KANK1: variants seen among roughly 807,000 people sequenced by gnomAD.
KANK1 encodes the protein KN motif and ankyrin repeat domain-containing protein 1.
A neutral mutation model predicts 106.2 loss-of-function variants in KANK1; 109 were observed. The ratio of observed to expected loss-of-function variants is 1.03; its 90% confidence interval spans 0.88 to 1.20. The LOEUF is 1.20. Ranked by LOEUF, KANK1 falls within the 50% of genes most tolerant of loss-of-function variation. The pLI, the probability that KANK1 is intolerant of heterozygous loss-of-function variation, is 0.00. For synonymous variants in KANK1, 873 were observed against 652.2 expected (o/e 1.34, Z -5.16); for missense variants, 2,399 against 1,710.7 (o/e 1.40, Z -7.10).
chr9:659,496 C>G (rs1159828540), intron 1 of KANK1, among the ~76,000 whole-genome samples: 2 of 152,062 alleles, frequency 1.3e-5, no homozygotes, highest in African/African-American at 4.8e-5. Flanking sequence ...TTCTGGGAAC[C>G]CACTTTGAGA....
chr9:730,381 A>G (rs1831887406), intron 4 of KANK1, 133 bp downstream of exon 4: 3 of 966,300 alleles, frequency 3.1e-6, no homozygotes, highest in Non-Finnish European at 4.7e-6. Flanking sequence ...AGGTAGGCCC[A>G]GAATATCTTT....
intron 1 of KANK1, among the ~76,000 whole-genome samples, chr9:620,903 T>G (rs534370506): frequency 6.6e-6 from 1 of 152,332 alleles, no homozygotes; most frequent in African/African-American, 2.4e-5. Flanking sequence ...TAACCAATTT[T>G]GGGGTACCAG....
At chr9:602,154 T>G (rs1827906499) in intron 1 of KANK1, among the ~76,000 whole-genome samples, 2 of 151,998 alleles carry the variant, frequency 1.3e-5, no homozygotes, top group Non-Finnish European at 1.5e-5. Flanking sequence ...AAAAATACTT[T>G]TACATTGATA....
At chr9:508,121 C>CATT (rs2058853338) in intron 1 of KANK1, among the ~76,000 whole-genome samples, 1 of 39,186 alleles carries the variant, frequency 2.6e-5, no homozygotes, top group South Asian at 7.8e-4. Context: ...CCTGCTCAGC[C>CATT]TTTTTTTTTT....
chr9:516,902 C>T (rs752351121), intron 1 of KANK1, among the ~76,000 whole-genome samples: 50 of 151,390 alleles, frequency 3.3e-4, no homozygotes, highest in Admixed American at 2.8e-3. Context: ...TAAGTTTGAA[C>T]ACTTGGGTTA....
At chr9:680,508 A>G (rs1817328398) in intron 2 of KANK1, among the ~76,000 whole-genome samples, 2 of 152,216 alleles carry the variant, frequency 1.3e-5, no homozygotes. Context: ...GTTATATAAC[A>G]AGCACCTTTG....
chr9:694,049 T>C (rs1820620875), intron 2 of KANK1, among the ~76,000 whole-genome samples: 1 of 152,212 alleles, frequency 6.6e-6, no homozygotes, highest in African/African-American at 2.4e-5. Flanking sequence ...GTTTAAGGTT[T>C]AGTTCAATTC....
At chr9:507,109 T>C (rs1489857017) in intron 1 of KANK1, among the ~76,000 whole-genome samples, 1 of 151,742 alleles carries the variant, frequency 6.6e-6, no homozygotes, top group East Asian at 1.9e-4. Flanking sequence ...TTAGGCCTGT[T>C]GCATGGGTGA....
chr9:707,161 G>T, intron 2 of KANK1: 4 of 985,500 alleles, frequency 4.1e-6, no homozygotes, highest in Non-Finnish European at 4.8e-6. Context: ...GGTGAGGATC[G>T]AGGGCGCCCG....
intron 1 of KANK1, among the ~76,000 whole-genome samples, chr9:603,827 G>A (rs141898773): frequency 6.6e-6 from 1 of 151,222 alleles, no homozygotes; most frequent in African/African-American, 2.5e-5. Context: ...GGGTGTGGTG[G>A]TGTGCGCCAT....
At chr9:585,039 T>G (rs1294401722) in intron 1 of KANK1, among the ~76,000 whole-genome samples, 1 of 152,226 alleles carries the variant, frequency 6.6e-6, no homozygotes, top group Non-Finnish European at 1.5e-5. Context: ...CATTTTGTCC[T>G]TATCTGCAGC....
intron 1 of KANK1, among the ~76,000 whole-genome samples, chr9:601,467 T>C (rs1277523486): frequency 6.6e-6 from 1 of 151,898 alleles, no homozygotes; most frequent in Non-Finnish European, 1.5e-5. Flanking sequence ...AATGACTAGA[T>C]TTGGGGCTGT....
At chr9:634,391 G>C (rs1836561283) in intron 1 of KANK1, among the ~76,000 whole-genome samples, 1 of 152,152 alleles carries the variant, frequency 6.6e-6, no homozygotes, top group South Asian at 2.1e-4. Flanking sequence ...TCACTCGGTT[G>C]CCTGAATGCA....
rs1181030891 is a variant in KANK1 at position 504,765 on chromosome 9, C to A, written c.-84+11C>A. 4.4e-5 allele frequency: 2 copies of A among 45,276 alleles called. No homozygotes were observed. The highest frequency in any genetic ancestry group is 1.8e-4 in the African/African-American group (2 of 10,976). 2.8% of individuals were successfully genotyped at this position (45,276 alleles called of 1,614,324 possible). On this transcript the variant is annotated intron_variant, in intron 1 of 11. Transcript: ENST00000382297. ...GAGGAGCGGCCGAAGGTGAGTGACG[C>A]GGCGGGGCCGTGCCGCGCCCCGTGC...
At chr9:744,815 C>T (rs1032905157) in intron 11 of KANK1, 19 of 1,434,596 alleles carry the variant, frequency 1.3e-5, no homozygotes, top group Non-Finnish European at 1.6e-5. Flanking sequence ...GACATATGCT[C>T]ACAGCTTCCC....
rs1826556249 is a variant in KANK1 at position 712,833 on chromosome 9, C to T, written c.2067C>T (p.Ala689=). 6.2e-7 allele frequency: 1 copy of T among 1,613,930 alleles called. No homozygotes were observed. Among genetic ancestry groups the T allele is most frequent in the Non-Finnish European group, 8.5e-7 (1 of 1,179,982 alleles). ...ACCAGTTCACCAACACCGAGACGGC[C>T]ACCCTCATAGAGTCCTGCACCAACA... ...QVHQFTNTET[A]TLIESCTNTC... Residue 689 remains alanine, a synonymous_variant, in exon 3 of 12, where the codon GCC becomes GCT. Coordinates refer to ENST00000382297, the MANE Select transcript of KANK1 (RefSeq NM_015158.5).
chr9:578,922 G>T (rs1821303514), intron 1 of KANK1, among the ~76,000 whole-genome samples: 1 of 152,158 alleles, frequency 6.6e-6, no homozygotes. Context: ...GGGATGGAGG[G>T]CAGAGCACTC....
intron 2 of KANK1, among the ~76,000 whole-genome samples, chr9:680,085 G>T (rs1296725650): frequency 6.6e-6 from 1 of 152,164 alleles, no homozygotes; most frequent in Non-Finnish European, 1.5e-5. Context: ...TTTGGGTTTA[G>T]TAGGAGTTTC....
At chr9:620,409 T>A (rs1488356226) in intron 1 of KANK1, among the ~76,000 whole-genome samples, 1 of 152,116 alleles carries the variant, frequency 6.6e-6, no homozygotes, top group African/African-American at 2.4e-5. Context: ...ATTATAATTT[T>A]TTTTTTTGGA....
Sources: gnomAD v4.1 joint callset for allele counts (sites outside exome capture counted in the v4.1 genomes callset) on GRCh38, gnomAD v4.1.1 for gene constraint, MANE v1.5 for transcripts, NCBI Gene and HGNC (gene_info 2026-07-23, HGNC 2026-07-21) for gene names.